CA8: variants seen among roughly 807,000 people sequenced by gnomAD.
The protein encoded by CA8 is carbonic anhydrase 8 (inactive).
In CA8, 22 loss-of-function variants were observed where a neutral mutation model predicts 41.4. The ratio of observed to expected loss-of-function variants is 0.53; its 90% CI spans 0.38 to 0.76. The LOEUF (loss-of-function observed/expected upper bound fraction) is 0.76. CA8 is among the 30% of genes least tolerant of loss of function. The pLI, the probability that CA8 is intolerant of heterozygous loss-of-function variation, is 0.00. For missense variants in CA8, 270 were observed against 352.8 expected, an observed-to-expected ratio of 0.77 and a Z score of 1.88; for synonymous variants, 121 against 130.6, an observed-to-expected ratio of 0.93 and a Z score of 0.50.
rs766688992 is a variant in CA8, at chr8:60,208,811, T to G, written c.847A>C (p.Arg283=). ...TACTGAAATGCAGCTCTAATGACTC[T>G]GTCACTAAGAGGCTGAGTGGGCCGA... ...NFRPTQPLSD[R]VIRAAFQ The change falls in exon 8 of 9, where the codon AGA becomes CGA. Residue 283 remains arginine, a synonymous_variant. Coordinates refer to ENST00000317995, the MANE Select transcript of CA8 (RefSeq NM_004056.6). 1 of 1,614,188 alleles carries G rather than the reference T, an allele frequency of 6.2e-7. No homozygotes were observed. Among genetic ancestry groups the G allele is most frequent in the Non-Finnish European group, 8.5e-7 (1 of 1,180,020 alleles).
chr8:60,232,427 T>C (rs768508481), intron 3 of CA8, 48 bp from the exon 4 acceptor site: 2 of 1,264,062 alleles, frequency 1.6e-6, no homozygotes, highest in Admixed American at 3.4e-5. Context: ...GTGCTACTTC[T>C]AATCATAAAA....
chr8:60,260,478 C>G (rs1372732177), intron 3 of CA8, among the ~76,000 whole-genome samples: 1 of 152,198 alleles, frequency 6.6e-6, no homozygotes, highest in Non-Finnish European at 1.5e-5. Flanking sequence ...CTCCTTATAT[C>G]ATTAGGGGGT....
chr8:60,222,806 A>C, intron 6 of CA8, 45 bp from the exon 7 acceptor site: 1 of 1,171,866 alleles, frequency 8.5e-7, no homozygotes, highest in Admixed American at 1.7e-5. Context: ...AAGTGAATTA[A>C]TAACAATCCT....
intron 8 of CA8, among the ~76,000 whole-genome samples, chr8:60,190,957 T>TATATATATATATATATATACATACAC (rs1554573722): frequency 9.6e-6 from 1 of 104,192 alleles, no homozygotes; most frequent in Non-Finnish European, 2.1e-5. Flanking sequence ...TATATATATA[T>TATATATATATATATATATACATACAC]ACACACACAC....
At chr8:60,263,452 G>A (rs897487291) in intron 3 of CA8, among the ~76,000 whole-genome samples, 7 of 151,640 alleles carry the variant, frequency 4.6e-5, no homozygotes, top group Non-Finnish European at 8.8e-5. Flanking sequence ...AAAGAAAAAG[G>A]TGCATGGATG....
intron 3 of CA8, among the ~76,000 whole-genome samples, chr8:60,243,588 G>A (rs902507136): frequency 1.6e-4 from 24 of 151,996 alleles, no homozygotes; most frequent in African/African-American, 5.6e-4. Flanking sequence ...CATCAGTTTA[G>A]TGAAACTGCT....
chr8:60,190,957 T>TATATATATACAC lies in CA8; in HGVS notation c.*36-973_*36-972insGTGTATATATAT, dbSNP rs1554573722. On this transcript the variant is annotated intron_variant, in intron 8 of 8. Transcript: ENST00000317995. ...CACACACTATATATATATATATATA[T>TATATATATACAC]ACACACACACATTTCTACATATGCA... Among the ~76,000 whole-genome samples the TATATATATACAC allele has an allele frequency of 9.6e-5, 10 of 104,228 alleles. 2 individuals are homozygous for TATATATATACAC. In the South Asian group the frequency reaches 2.2e-3, roughly 22 times the overall value. 68.4% of individuals were successfully genotyped at this position (104,228 alleles called of 152,430 possible).
rs375950111 is a variant in CA8 at position 60,276,397 on chromosome 8, C to T, written c.292+3292G>A. On this transcript the variant is annotated intron_variant, in intron 2 of 8. Coordinates refer to ENST00000317995, the MANE Select transcript of CA8 (RefSeq NM_004056.6). ...GAGGGAGGGAAGACAACCTGATGCA[C>T]GCTAATGTCCTAAGAGAAGATCCGT... Among the ~76,000 whole-genome samples the T allele has an allele frequency of 3.3e-5, 5 of 152,136 alleles. No homozygotes were observed. The East Asian group carries it at 5.8e-4, about 18-fold the overall frequency.
chr8:60,192,847 T>A lies in CA8; in HGVS notation c.*36-2862A>T, dbSNP rs536840177. 8.5e-5 allele frequency among the ~76,000 whole-genome samples: 13 copies of A among 152,124 alleles called. No individual in the cohort carries two copies. In the South Asian group the frequency reaches 2.7e-3, roughly 32 times the overall value. ...TAGAGAGCTAAATGGCATGATTGTA[T>A]TGCTACCTTTCAATTTTGTTTCAGT... On this transcript the variant is annotated intron_variant, in intron 8 of 8. Transcript: ENST00000317995.
intron 4 of CA8, among the ~76,000 whole-genome samples, chr8:60,230,245 C>A (rs1807595613): frequency 6.6e-6 from 1 of 152,196 alleles, no homozygotes; most frequent in African/African-American, 2.4e-5. Context: ...CTGCTCCTAT[C>A]TGAGATTAGT....
At chr8:60,273,338 A>C (rs1264922424) in intron 2 of CA8, among the ~76,000 whole-genome samples, 2 of 152,232 alleles carry the variant, frequency 1.3e-5, no homozygotes, top group African/African-American at 2.4e-5. Flanking sequence ...AATTGCTCAA[A>C]AGCAAAATGG....
At chr8:60,238,387 G>A (rs1270013006) in intron 3 of CA8, among the ~76,000 whole-genome samples, 1 of 152,094 alleles carries the variant, frequency 6.6e-6, no homozygotes, top group South Asian at 2.1e-4. Context: ...CCCCAGCCCT[G>A]GGCACTCATA....
chr8:60,213,253 G>A (rs1806901591), intron 7 of CA8, among the ~76,000 whole-genome samples: 3 of 152,146 alleles, frequency 2.0e-5, no homozygotes, highest in South Asian at 4.1e-4. Context: ...TAACACCGAC[G>A]TCAACGGTCC....
chr8:60,247,015 C>T (rs372708452), intron 3 of CA8, among the ~76,000 whole-genome samples: 3 of 151,256 alleles, frequency 2.0e-5, no homozygotes, highest in East Asian at 3.9e-4. Context: ...TCCCGAGTAG[C>T]TGGGACTACA....
At chr8:60,208,500 G>C in intron 8 of CA8, 1 of 451,056 alleles carries the variant, frequency 2.2e-6, no homozygotes, top group East Asian at 4.5e-5. Flanking sequence ...TCTTATGAAA[G>C]CCACCAAAAC....
At chr8:60,207,962 C>T (rs1251134273) in intron 8 of CA8, 1 of 152,132 alleles carries the variant, frequency 6.6e-6, no homozygotes, top group Non-Finnish European at 1.5e-5. Flanking sequence ...CGCTGCTTCC[C>T]TAGGTTCTAT....
intron 5 of CA8, among the ~76,000 whole-genome samples, chr8:60,226,036 T>C (rs1005723191): frequency 3.3e-5 from 5 of 152,252 alleles, no homozygotes; most frequent in East Asian, 1.9e-4. Flanking sequence ...GGCAGGGTCA[T>C]GTGGATCACC....
rs1418174119 is a variant in CA8 at position 60,188,850 on chromosome 8, C to T, written c.*1171G>A. ...CCATTATTACCGTCTCTACTCAACA[C>T]ATCTAAAAACTCTGAACATATACTT... On this transcript the variant is annotated 3_prime_UTR_variant, in exon 9 of 9. Transcript: ENST00000317995. The T allele has an allele frequency of 6.6e-6, 1 of 152,184 alleles. No homozygotes were observed. The highest frequency in any genetic ancestry group is 1.5e-5 in the Non-Finnish European group (1 of 68,040). The allele number at this position is 152,184 out of a possible 1,614,324, so 9.4% of individuals were successfully genotyped here.
intron 2 of CA8, among the ~76,000 whole-genome samples, chr8:60,271,147 A>G (rs1444069840): frequency 6.6e-6 from 1 of 152,188 alleles, no homozygotes; most frequent in Non-Finnish European, 1.5e-5. Context: ...TTTCATGACC[A>G]GCCTGGGTAA....
Sources: gnomAD v4.1 joint callset for allele counts (sites outside exome capture counted in the v4.1 genomes callset) on GRCh38, gnomAD v4.1.1 for gene constraint, MANE v1.5 for transcripts, NCBI Gene and HGNC (gene_info 2026-07-23, HGNC 2026-07-21) for gene names.